POLR3B: variants seen among roughly 807,000 people sequenced by gnomAD.
POLR3B encodes the protein DNA-directed RNA polymerase III subunit RPC2.
A neutral mutation model predicts 147.4 loss-of-function variants in POLR3B; 96 were observed. That is an observed-to-expected ratio of 0.65 (90% CI 0.55 to 0.77). The LOEUF is 0.77. POLR3B is among the 30% of genes least tolerant of loss of function. POLR3B has a pLI of 0.00. For synonymous variants in POLR3B, 461 were observed against 485.9 expected, an observed-to-expected ratio of 0.95 and a Z score of 0.67; for missense variants, 1,036 against 1,413.5, an observed-to-expected ratio of 0.73 and a Z score of 4.28.
Position 106,504,231 on chromosome 12 carries a change from T to G in POLR3B, c.3249T>G (p.Cys1083Trp). ...TTGAGGTTGATGTCTGTGGGCAGTG[T>G]GGACTTCTGGGGTATTCTGGCTGGT... ...DAFEVDVCGQ[C>W]GLLGYSGWCH... Residue 1083 changes from cysteine to tryptophan, a missense_variant, in exon 27 of 28, where the codon TGT becomes TGG. By Grantham distance (215) the Cys-to-Trp change is radical. This residue lies in a region of POLR3B where 69 missense variants were observed against 89.8 expected (regional missense o/e 0.77). Transcript: ENST00000228347. This position sits in a 1 kb window ranked among gnomAD's most constrained non-coding sequence, Gnocchi z 4.6. The G allele has an allele frequency of 6.2e-7, 1 of 1,614,178 alleles. No homozygotes were observed.
intron 10 of POLR3B, among the ~76,000 whole-genome samples, chr12:106,405,538 C>CCACACACACA (rs2037138047): frequency 1.9e-5 from 1 of 51,838 alleles, no homozygotes; most frequent in Admixed American, 2.9e-4. Flanking sequence ...TGCTATATGT[C>CCACACACACA]TACACACACA....
intron 12 of POLR3B, among the ~76,000 whole-genome samples, chr12:106,426,841 C>T (rs1327640892): frequency 9.9e-3 from 15 of 1,520 alleles, no homozygotes; most frequent in Non-Finnish European, 0.015. Context: ...CTCCACCGTC[C>T]CCCCCCCCCC....
chr12:106,381,625 C>T (rs2036765179), intron 9 of POLR3B, among the ~76,000 whole-genome samples: 1 of 152,222 alleles, frequency 6.6e-6, no homozygotes, highest in South Asian at 2.1e-4. Context: ...CTACTTTCTT[C>T]ATTAAAGTCT....
Position 106,380,089 on chromosome 12 carries a change from T to G in POLR3B, c.673T>G (p.Leu225Val). ...GGCTGTGAAACAAGGACGATTTTATTTGAGGCATAATACTTTGTCAGAAGA... is the reference window on the plus strand; with the variant it reads ...GGCTGTGAAACAAGGACGATTTTATGTGAGGCATAATACTTTGTCAGAAGA... ...NMAVKQGRFY[L>V]RHNTLSEDIP... The change falls in exon 9 of 28, where the codon TTG (leucine) becomes GTG (valine). Residue 225 changes from leucine to valine, a missense_variant. By Grantham distance (32) the Leu-to-Val change is conservative. This residue lies in a region of POLR3B where 217 missense variants were observed against 288.7 expected (regional missense o/e 0.75). Coordinates refer to ENST00000228347, the MANE Select transcript of POLR3B (RefSeq NM_018082.6). The G allele has an allele frequency of 1.9e-6, 3 of 1,613,090 alleles. No individual in the cohort carries two copies. Among genetic ancestry groups the G allele is most frequent in the Non-Finnish European group, 1.7e-6 (2 of 1,179,250 alleles).
At chr12:106,403,777 G>T (rs532306348) in intron 10 of POLR3B, among the ~76,000 whole-genome samples, 1 of 139,134 alleles carries the variant, frequency 7.2e-6, no homozygotes, top group Non-Finnish European at 1.5e-5. Context: ...ACATGGACAC[G>T]GGGTGGGGAA....
At position 106,504,121 on chromosome 12, in the gene POLR3B, C is replaced by CT; in HGVS notation, c.3140dup (p.Gly1048ArgfsTer6). On this transcript the variant is annotated frameshift_variant, in exon 27 of 28. Transcript: ENST00000228347. LOFTEE classifies it high-confidence loss of function. This position sits in a 1 kb window ranked among gnomAD's most constrained non-coding sequence, Gnocchi z 4.6. ...ACGGTCTCGTGATGGTGGCTTGCGT[C>CT]TCGGGGAAATGGAACGTGACTGTTT... 1 of 1,614,142 alleles carries CT rather than the reference C, an allele frequency of 6.2e-7. No individual in the cohort carries two copies.
rs2038646652 is a variant in POLR3B at position 106,504,024 on chromosome 12, A to G, written c.3099-57A>G. 2.0e-6 allele frequency: 3 copies of G among 1,503,948 alleles called. No homozygotes were observed. The highest frequency in any genetic ancestry group is 2.3e-5 in the South Asian group (2 of 88,812). 93.2% of individuals were successfully genotyped at this position (1,503,948 alleles called of 1,614,324 possible). A position where few individuals can be genotyped will look rare whatever the true frequency, so the allele number is the denominator to read the frequency against. Reference sequence around the variant, plus strand: ...GTGCTCTCTGCCAGCATGTGATGCTACCTCTTTGTTTGTTTAACAGAATAA... The same window carrying G: ...GTGCTCTCTGCCAGCATGTGATGCTGCCTCTTTGTTTGTTTAACAGAATAA... On this transcript the variant is annotated intron_variant, in intron 26 of 27. Transcript: ENST00000228347. This position sits in a 1 kb window ranked among gnomAD's most constrained non-coding sequence, Gnocchi z 4.6.
intron 23 of POLR3B, among the ~76,000 whole-genome samples, chr12:106,489,991 C>T (rs949278761): frequency 5.3e-5 from 8 of 152,144 alleles, no homozygotes; most frequent in African/African-American, 1.9e-4. Context: ...AACCAAAACT[C>T]CAGCAGCTCT....
At chr12:106,445,124 T>C (rs1323373729) in intron 19 of POLR3B, among the ~76,000 whole-genome samples, 3 of 152,246 alleles carry the variant, frequency 2.0e-5, no homozygotes, top group Non-Finnish European at 1.5e-5. Context: ...CCTCTTTCTC[T>C]TTGTCTTCTC....
At position 106,433,347 on chromosome 12, in the gene POLR3B, G is replaced by A. The variant is rs578190818; in HGVS notation, c.1628-372G>A. On this transcript the variant is annotated intron_variant, in intron 15 of 27. Transcript: ENST00000228347. ...GCAGTTTAATAATAGCAGTTAGTAG[G>A]TGCTAGGCAGAATTCTCAGTACTTT... Among the ~76,000 whole-genome samples, 3 of 152,324 alleles carry A rather than the reference G, an allele frequency of 2.0e-5. No homozygotes were observed. In the South Asian group the frequency reaches 6.2e-4, roughly 32 times the overall value.
At chr12:106,364,456 G>A (rs1416473420) in intron 2 of POLR3B, among the ~76,000 whole-genome samples, 1 of 152,230 alleles carries the variant, frequency 6.6e-6, no homozygotes, top group Non-Finnish European at 1.5e-5. Context: ...AAAATCAAAT[G>A]TTAATAAGGG....
intron 14 of POLR3B, among the ~76,000 whole-genome samples, chr12:106,431,060 T>C (rs1049187994): frequency 2.6e-5 from 4 of 152,186 alleles, no homozygotes; most frequent in African/African-American, 9.7e-5. Flanking sequence ...TTCTAAATTG[T>C]AAAATTCTGG....
Position 106,369,269 on chromosome 12 carries a change from T to C in POLR3B, c.228-6T>C. The C allele has an allele frequency of 6.5e-7, 1 of 1,536,036 alleles. No homozygotes were observed. The highest frequency in any genetic ancestry group is 9.0e-7 in the Non-Finnish European group (1 of 1,108,932). ...ATAATTCATACCGCACTAATTTGCTTTTCAGATATCTTAATATCTATGTTG... is the reference window on the plus strand; with the variant it reads ...ATAATTCATACCGCACTAATTTGCTCTTCAGATATCTTAATATCTATGTTG... On this transcript the variant is annotated splice_region_variant and splice_polypyrimidine_tract_variant and intron_variant, in intron 4 of 27. Transcript: ENST00000228347.
At chr12:106,400,754 A>G (rs1236866342) in intron 10 of POLR3B, among the ~76,000 whole-genome samples, 1 of 152,220 alleles carries the variant, frequency 6.6e-6, no homozygotes, top group Non-Finnish European at 1.5e-5. Flanking sequence ...GAAGGCAGAA[A>G]TAAAGATGGT....
At chr12:106,441,388 A>G (rs1180468872) in intron 18 of POLR3B, among the ~76,000 whole-genome samples, 9 of 152,218 alleles carry the variant, frequency 5.9e-5, no homozygotes, top group African/African-American at 2.2e-4. Context: ...ACACACATAG[A>G]CTGTATGCTA....
At chr12:106,450,768 T>A (rs1423932045) in intron 19 of POLR3B, among the ~76,000 whole-genome samples, 1 of 152,170 alleles carries the variant, frequency 6.6e-6, no homozygotes, top group African/African-American at 2.4e-5. Flanking sequence ...GTATAATCAC[T>A]CTGGAAAATT....
intron 22 of POLR3B, among the ~76,000 whole-genome samples, chr12:106,460,890 G>A (rs913657200): frequency 2.0e-5 from 3 of 151,966 alleles, no homozygotes; most frequent in Non-Finnish European, 4.4e-5. Context: ...TGGTCTTTGT[G>A]TCCCTTTCTA....
intron 2 of POLR3B, among the ~76,000 whole-genome samples, chr12:106,364,674 A>G (rs142189765): frequency 6.6e-6 from 1 of 152,388 alleles, no homozygotes; most frequent in African/African-American, 2.4e-5. Context: ...AGTATTATTC[A>G]TAATAGCCAA....
At chr12:106,403,838 A>G (rs1270142549) in intron 10 of POLR3B, among the ~76,000 whole-genome samples, 1 of 149,634 alleles carries the variant, frequency 6.7e-6, no homozygotes, top group Non-Finnish European at 1.5e-5. Flanking sequence ...GAGGGATAGC[A>G]TTGGGAGGTA....
Sources: gnomAD v4.1 joint callset for allele counts (sites outside exome capture counted in the v4.1 genomes callset) on GRCh38, gnomAD v4.1.1 for gene constraint, gnomAD v4.1.1 regional missense constraint, Gnocchi (gnomAD v3.1) non-coding constraint, MANE v1.5 for transcripts, NCBI Gene and HGNC (gene_info 2026-07-23, HGNC 2026-07-21) for gene names.